WDR64: variants seen among roughly 807,000 people sequenced by gnomAD.
The protein encoded by WDR64 is WD repeat-containing protein 64.
A neutral mutation model predicts 139.3 loss-of-function variants in WDR64; 112 were observed. The observed-to-expected ratio is 0.80, with a 90% CI of 0.69 to 0.94. The LOEUF (loss-of-function observed/expected upper bound fraction) is 0.94. Among genes scored for constraint, WDR64 ranks in the 40% least tolerant of loss-of-function variants. The probability of loss-of-function intolerance (pLI) is 0.00; values close to 1 mark genes in which losing one functional copy is unlikely to be tolerated. For synonymous variants in WDR64, 444 were observed against 437.7 expected, an observed-to-expected ratio of 1.01 and a Z score of -0.18; for missense variants, 1,206 against 1,293.1, an observed-to-expected ratio of 0.93 and a Z score of 1.03.
chr1:241,668,310 C>A (rs1459097483), intron 2 of WDR64, among the ~76,000 whole-genome samples: 1 of 151,856 alleles, frequency 6.6e-6, no homozygotes, highest in Non-Finnish European at 1.5e-5. Flanking sequence ...GAGTTCGAGA[C>A]CAGCCTGGCC....
intron 1 of WDR64, among the ~76,000 whole-genome samples, chr1:241,658,141 A>G (rs947487881): frequency 1.3e-5 from 2 of 152,158 alleles, no homozygotes; most frequent in Non-Finnish European, 2.9e-5. Flanking sequence ...CATAACAGAT[A>G]CTCATATTTT....
intron 25 of WDR64, among the ~76,000 whole-genome samples, chr1:241,794,214 A>G (rs1311596142): frequency 2.0e-5 from 3 of 151,934 alleles, no homozygotes; most frequent in African/African-American, 7.3e-5. Context: ...AATTATTTGT[A>G]TATTTACCTC....
chr1:241,746,980 G>A (rs375420187), intron 13 of WDR64, among the ~76,000 whole-genome samples: 2 of 152,096 alleles, frequency 1.3e-5, no homozygotes, highest in South Asian at 2.1e-4. Flanking sequence ...GGCTGGTCTC[G>A]GAACTCCTGA....
In WDR64 at chr1:241,801,726, A is replaced by G; in HGVS notation, c.*511A>G. 1 of 398,602 alleles carries G rather than the reference A, an allele frequency of 2.5e-6. No homozygotes were observed. 24.7% of individuals were successfully genotyped at this position (398,602 alleles called of 1,614,324 possible). A position where few individuals can be genotyped will look rare whatever the true frequency, so the allele number is the denominator to read the frequency against. ...GAAGAAAATGTCCTAAGTTTCTCAA[A>G]GTCAGAAATTATTTCTATGTAGTCC... On this transcript the variant is annotated 3_prime_UTR_variant, in exon 28 of 28. Coordinates refer to ENST00000437684, the MANE Select transcript of WDR64 (RefSeq NM_001367482.1).
chr1:241,790,784 A>G lies in WDR64; in HGVS notation c.2997+88A>G, dbSNP rs542677170. The stretch of plus-strand genomic sequence containing the variant: ...TCTGAATTCAAATATGTCCAGTAAT[A>G]TAACATATTAATTTTTTATTGATGG... On this transcript the variant is annotated intron_variant, in intron 25 of 27. Transcript: ENST00000437684. The G allele has an allele frequency of 9.6e-6, 9 of 941,518 alleles. No homozygotes were observed. In the South Asian group the frequency reaches 1.2e-4, roughly 12 times the overall value. The allele number at this position is 941,518 out of a possible 1,614,324, so 58.3% of individuals were successfully genotyped here. A position where few individuals can be genotyped will look rare whatever the true frequency, so the allele number is the denominator to read the frequency against.
At chr1:241,708,824 G>T (rs1043453560) in intron 8 of WDR64, among the ~76,000 whole-genome samples, 2 of 151,488 alleles carry the variant, frequency 1.3e-5, no homozygotes, top group Non-Finnish European at 2.9e-5. Flanking sequence ...ACAAGCGTGA[G>T]CCACTGCACC....
intron 16 of WDR64, among the ~76,000 whole-genome samples, chr1:241,769,177 A>C (rs535154639): frequency 7.2e-5 from 11 of 152,320 alleles, no homozygotes; most frequent in African/African-American, 2.6e-4. Flanking sequence ...TAGGAAGATT[A>C]GACAGGTTAG....
At chr1:241,716,826 T>C (rs1165294406) in intron 9 of WDR64, among the ~76,000 whole-genome samples, 1 of 151,954 alleles carries the variant, frequency 6.6e-6, no homozygotes, top group African/African-American at 2.4e-5. Flanking sequence ...ATCTGTGGAG[T>C]AGGCAATAGG....
intron 10 of WDR64, among the ~76,000 whole-genome samples, chr1:241,737,560 G>A (rs866896812): frequency 6.6e-6 from 1 of 152,150 alleles, no homozygotes; most frequent in Non-Finnish European, 1.5e-5. Flanking sequence ...GCTAGAAAAT[G>A]TAATTTCCCC....
chr1:241,750,378 A>T (rs1054777912), intron 14 of WDR64, among the ~76,000 whole-genome samples: 4 of 152,206 alleles, frequency 2.6e-5, no homozygotes, highest in Non-Finnish European at 5.9e-5. Flanking sequence ...TCAGAAAAGA[A>T]AAGTCTTGTA....
At chr1:241,668,505 G>A (rs563952053) in intron 2 of WDR64, among the ~76,000 whole-genome samples, 69 of 152,228 alleles carry the variant, frequency 4.5e-4, no homozygotes, top group African/African-American at 1.6e-3. Context: ...TTGTCTGTAG[G>A]AGTCATATAA....
chr1:241,770,332 A>C (rs936041282), intron 17 of WDR64: 2 of 264,670 alleles, frequency 7.6e-6, no homozygotes, highest in African/African-American at 4.4e-5. Context: ...TCAGTGTAAG[A>C]GCCTCTGGGA....
intron 27 of WDR64, among the ~76,000 whole-genome samples, chr1:241,799,202 C>CAAAAAAAAAAAAAAAA (rs4046210): frequency 0.016 from 525 of 33,236 alleles, 65 homozygotes; most frequent in Non-Finnish European, 0.019. Context: ...TTTGTCTCTC[C>CAAAAAAAAAAAAAAAA]AAAAAAAAAA....
intron 8 of WDR64, among the ~76,000 whole-genome samples, chr1:241,707,990 C>T (rs1668018608): frequency 6.6e-6 from 1 of 152,208 alleles, no homozygotes; most frequent in South Asian, 2.1e-4. Context: ...GCTCCATCCA[C>T]TTTATGGCAG....
intron 15 of WDR64, among the ~76,000 whole-genome samples, chr1:241,763,589 T>C (rs1658018815): frequency 1.3e-5 from 2 of 152,114 alleles, no homozygotes; most frequent in Non-Finnish European, 1.5e-5. Flanking sequence ...CCTGTAATCC[T>C]AGCTACGGGG....
chr1:241,668,097 C>A (rs1238588623), intron 2 of WDR64, among the ~76,000 whole-genome samples: 1 of 152,190 alleles, frequency 6.6e-6, no homozygotes, highest in Non-Finnish European at 1.5e-5. Context: ...CTGTAATTGA[C>A]TTCGGAAGGT....
chr1:241,673,236 C>T (rs1164701093), intron 3 of WDR64, among the ~76,000 whole-genome samples: 11 of 151,736 alleles, frequency 7.2e-5, no homozygotes, highest in South Asian at 4.2e-4. Context: ...TGCTAAATGA[C>T]GAGTTAATGG....
At chr1:241,796,492 C>CTTTTTT (rs5782206) in intron 27 of WDR64, 122 bp downstream of exon 27, 6 of 484,726 alleles carry the variant, frequency 1.2e-5, no homozygotes, top group African/African-American at 6.3e-5. Context: ...TCAGTTCATA[C>CTTTTTT]TTTTTTTTTT....
intron 9 of WDR64, among the ~76,000 whole-genome samples, chr1:241,715,034 C>G (rs548874772): frequency 6.6e-6 from 1 of 152,256 alleles, no homozygotes; most frequent in South Asian, 2.1e-4. Context: ...CAGCTTTGTG[C>G]ACTCAGAAAT....
Sources: gnomAD v4.1 joint callset for allele counts (sites outside exome capture counted in the v4.1 genomes callset) on GRCh38, gnomAD v4.1.1 for gene constraint, MANE v1.5 for transcripts, NCBI Gene and HGNC (gene_info 2026-07-23, HGNC 2026-07-21) for gene names.